The following JOSD2 variants were observed in gnomAD, a reference collection of about 807,000 sequenced individuals.
The protein encoded by JOSD2 is josephin-2.
In JOSD2, 20 loss-of-function variants were observed where a neutral mutation model predicts 19.3. The ratio of observed to expected loss-of-function variants is 1.04; its 90% CI spans 0.73 to 1.51. The LOEUF (loss-of-function observed/expected upper bound fraction) is 1.51, where lower values mean the gene tolerates loss of function less well. Ranked by LOEUF, JOSD2 falls within the 40% of genes most tolerant of loss-of-function variation. JOSD2 has a pLI of 0.00. For synonymous variants in JOSD2, 118 were observed against 123.7 expected (o/e 0.95, Z 0.31); for missense variants, 215 against 250.4 (o/e 0.86, Z 0.95).
intron 3 of JOSD2, 105 bp from the exon 4 acceptor site, chr19:50,506,677 A>G: frequency 1.9e-6 from 2 of 1,041,910 alleles, no homozygotes; most frequent in Non-Finnish European, 2.7e-6. Flanking sequence ...GGGCCTCCTG[A>G]GCCCACCCAG....
In JOSD2 at chr19:50,506,134, C is replaced by A; in HGVS notation, c.*39G>T. The A allele has an allele frequency of 6.3e-7, 1 of 1,591,810 alleles. No individual in the cohort carries two copies. Among genetic ancestry groups the A allele is most frequent in the Non-Finnish European group, 8.6e-7 (1 of 1,164,004 alleles). On this transcript the variant is annotated 3_prime_UTR_variant, in exon 5 of 5. Transcript: ENST00000598418. ...CAGTGTGCGCAGCCGGAGGGGGATG[C>A]GCAGGGACTGCGCTGTGGGCGCCGA...
At chr19:50,507,545 A>C (rs762052492) in intron 3 of JOSD2, 29 bp downstream of exon 3, 9 of 1,588,628 alleles carry the variant, frequency 5.7e-6, no homozygotes, top group Non-Finnish European at 7.7e-6. Context: ...TGCCCGGCCC[A>C]GCACATGCTG....
chr19:50,507,606 C>T lies in JOSD2; in HGVS notation c.240G>A (p.Leu80=), dbSNP rs1414484043. 6.2e-7 allele frequency: 1 copy of T among 1,609,484 alleles called. No homozygotes were observed. Among genetic ancestry groups the T allele is most frequent in the South Asian group, 1.1e-5 (1 of 91,086 alleles). Residue 80 remains leucine, a synonymous_variant, in exon 3 of 5, where the codon CTG becomes CTA. Transcript: ENST00000598418. The part of the protein sequence containing the change: ...VNVIMAALQG[L]GLAAVWWDRR... ...TGTCCCACCACACGGCGGCCAGGCC[C>T]AGCCCCTGCAGAGCGGCCATGATCA...
chr19:50,510,868 G>T (rs1258859630), intron 1 of JOSD2, among the ~76,000 whole-genome samples: 1 of 151,592 alleles, frequency 6.6e-6, no homozygotes, highest in Non-Finnish European at 1.5e-5. Flanking sequence ...CTCCTCCCCT[G>T]TCTCTAGGTG....
At chr19:50,507,413 T>G (rs1979439924) in intron 3 of JOSD2, among the ~76,000 whole-genome samples, 161 bp downstream of exon 3, 1 of 151,670 alleles carries the variant, frequency 6.6e-6, no homozygotes, top group African/African-American at 2.4e-5. Flanking sequence ...TCTCAGCCCA[T>G]CGACCACCTG....
At chr19:50,507,217 CT>C (rs1435152599) in intron 3 of JOSD2, among the ~76,000 whole-genome samples, 11 of 150,338 alleles carry the variant, frequency 7.3e-5, no homozygotes, top group African/African-American at 2.7e-4. Flanking sequence ...TGGTCTACCC[CT>C]CATCCACCAG....
chr19:50,506,019 T>C lies in JOSD2; in HGVS notation c.*154A>G, dbSNP rs1979299720. The C allele has an allele frequency of 8.7e-6, 6 of 692,680 alleles. No individual in the cohort carries two copies. The highest frequency in any genetic ancestry group is 3.9e-5 in the South Asian group (2 of 51,890). 42.9% of individuals were successfully genotyped at this position (692,680 alleles called of 1,614,324 possible). On this transcript the variant is annotated 3_prime_UTR_variant, in exon 5 of 5. Transcript: ENST00000598418. Reference sequence around the variant, plus strand: ...GGCAGGCAGCAAATCAGCAGATTTATTGAGGCAGCAGCGGCAGTGGGGAGC... The same window carrying C: ...GGCAGGCAGCAAATCAGCAGATTTACTGAGGCAGCAGCGGCAGTGGGGAGC...
intron 1 of JOSD2, 132 bp downstream of exon 1, chr19:50,510,985 C>G (rs1401076623): frequency 2.4e-6 from 1 of 408,780 alleles, no homozygotes; most frequent in Non-Finnish European, 5.0e-6. Flanking sequence ...CCTCCCCAGT[C>G]ACTAAGCAAC....
chr19:50,507,516 C>T (rs2084751356), intron 3 of JOSD2, 58 bp downstream of exon 3: 4 of 1,550,250 alleles, frequency 2.6e-6, no homozygotes, highest in Non-Finnish European at 3.5e-6. Flanking sequence ...AACAGGCTCA[C>T]ACTATAGGGT....
At chr19:50,507,547 C>T in intron 3 of JOSD2, 27 bp downstream of exon 3, 1 of 1,591,316 alleles carries the variant, frequency 6.3e-7, no homozygotes. Flanking sequence ...CCCGGCCCAG[C>T]ACATGCTGTG....
In JOSD2 at chr19:50,506,248, G is replaced by A. The variant is rs1979324465; in HGVS notation, c.492C>T (p.Ala164=). The change falls in exon 5 of 5, where the codon GCC becomes GCT. Residue 164 remains alanine, a synonymous_variant. Transcript: ENST00000598418. ...GVRAFLAAAL[A]QGLCEVLLVV... ...CCAGCAGCACCTCGCACAGGCCCTG[G>A]GCCAGCGCAGCCGCCAGGAAGGCCC... is the stretch of plus-strand genomic sequence containing the variant. 2.5e-6 allele frequency: 4 copies of A among 1,612,568 alleles called. No individual in the cohort carries two copies. The highest frequency in any genetic ancestry group is 3.4e-6 in the Non-Finnish European group (4 of 1,179,826).
chr19:50,509,103 A>AT (rs34345488), intron 2 of JOSD2, among the ~76,000 whole-genome samples: 24,242 of 115,100 alleles, frequency 0.21, 3,135 homozygotes, highest in Non-Finnish European at 0.23. Flanking sequence ...TAAAGGAGTG[A>AT]TTTTTTTTTT....
At chr19:50,510,153 G>A in intron 2 of JOSD2, 133 bp downstream of exon 2, 1 of 1,047,242 alleles carries the variant, frequency 9.5e-7, no homozygotes. Flanking sequence ...CAGAGTCCCA[G>A]CGTCTAGCTT....
rs1658163038 is a variant in JOSD2 at position 50,510,321 on chromosome 19, G to C, written c.111C>G (p.Leu37=). 1 of 1,613,382 alleles carries C rather than the reference G, an allele frequency of 6.2e-7. No individual in the cohort carries two copies. The highest frequency in any genetic ancestry group is 8.5e-7 in the Non-Finnish European group (1 of 1,180,016). The change falls in exon 2 of 5, where the codon CTC becomes CTG. Residue 37 remains leucine (L), a synonymous_variant. Transcript: ENST00000598418. ...HALNNVLQQQ[L]FSQEAADEIC... is the part of the protein sequence containing the mutation. ...TCTCATCGGCAGCCTCCTGGCTAAA[G>C]AGCTGCTGCTGCAGAACGTTGTTGA... is the stretch of plus-strand genomic sequence containing the variant.
At chr19:50,510,503 C>G in intron 1 of JOSD2, 55 bp from the exon 2 acceptor site, 1 of 1,499,468 alleles carries the variant, frequency 6.7e-7, no homozygotes, top group Non-Finnish European at 8.9e-7. Flanking sequence ...AGAGGTCCAG[C>G]CTCCCAGCAG....
intron 3 of JOSD2, among the ~76,000 whole-genome samples, chr19:50,506,976 C>T (rs1979400738): frequency 1.3e-5 from 2 of 151,040 alleles, no homozygotes; most frequent in African/African-American, 2.4e-5. Flanking sequence ...TTCCCAATGA[C>T]GATTCACACA....
chr19:50,506,438 T>C lies in JOSD2; in HGVS notation c.407A>G (p.Tyr136Cys). 1.7e-5 allele frequency: 28 copies of C among 1,601,674 alleles called. No individual in the cohort carries two copies. Among genetic ancestry groups the C allele is most frequent in the Non-Finnish European group, 2.2e-5 (26 of 1,175,124 alleles). ...WVALRQVDGV[Y>C]YNLDSKLRAP... is the part of the protein sequence containing the mutation. ...CCGCAGCTTGGAGTCCAGGTTGTAGTAGACACCGTCCACCTGGCGCAGGGC... is the reference window on the plus strand; with the variant it reads ...CCGCAGCTTGGAGTCCAGGTTGTAGCAGACACCGTCCACCTGGCGCAGGGC... The change falls in exon 4 of 5, where the codon TAC (tyrosine) becomes TGC (cysteine). Residue 136 changes from tyrosine to cysteine, a missense_variant. Tyr to Cys is a radical substitution (Grantham distance 194). Transcript: ENST00000598418.
intron 2 of JOSD2, among the ~76,000 whole-genome samples, chr19:50,508,998 GA>G (rs771905540): frequency 2.0e-5 from 3 of 151,984 alleles, no homozygotes; most frequent in Non-Finnish European, 1.5e-5. Context: ...TGAAGGCAGG[GA>G]CAGACTGGAG....
intron 1 of JOSD2, among the ~76,000 whole-genome samples, chr19:50,510,845 G>A (rs1979779722): frequency 1.3e-5 from 2 of 151,684 alleles, no homozygotes; most frequent in South Asian, 4.2e-4. Flanking sequence ...CGAGCACCTA[G>A]CAATAGAGAA....
Sources: gnomAD v4.1 joint callset for allele counts (sites outside exome capture counted in the v4.1 genomes callset) on GRCh38, gnomAD v4.1.1 for gene constraint, MANE v1.5 for transcripts, NCBI Gene and HGNC (gene_info 2026-07-23, HGNC 2026-07-21) for gene names.